Variants in IQGAP2 observed in about 807,000 individuals in gnomAD.
IQGAP2 encodes ras GTPase-activating-like protein IQGAP2.
Under a neutral mutation model 201.3 loss-of-function variants are expected in IQGAP2, and 173 were observed. That is an observed-to-expected ratio of 0.86 (90% CI 0.76 to 0.98). The LOEUF (loss-of-function observed/expected upper bound fraction) is 0.98. IQGAP2 is among the 50% of genes least tolerant of loss of function. The pLI is 0.00. For synonymous variants in IQGAP2, 675 were observed against 673.9 expected, an observed-to-expected ratio of 1.00 and a Z score of -0.03; for missense variants, 1,687 against 1,864.8, an observed-to-expected ratio of 0.90 and a Z score of 1.76.
chr5:76,540,850 G>A (rs1392706789), intron 2 of IQGAP2, among the ~76,000 whole-genome samples: 1 of 152,298 alleles, frequency 6.6e-6, no homozygotes, highest in East Asian at 1.9e-4. Flanking sequence ...TTCCCATGGA[G>A]TAAGAAGGCC....
intron 13 of IQGAP2, among the ~76,000 whole-genome samples, chr5:76,620,406 A>G (rs1749529634): frequency 6.6e-6 from 1 of 152,126 alleles, no homozygotes; most frequent in Admixed American, 6.5e-5. Flanking sequence ...AGAGGCAGGA[A>G]GCAATAATGA....
At chr5:76,537,600 T>A (rs1281316245) in intron 2 of IQGAP2, among the ~76,000 whole-genome samples, 1 of 152,202 alleles carries the variant, frequency 6.6e-6, no homozygotes, top group Non-Finnish European at 1.5e-5. Context: ...AATATTGACT[T>A]AGTTTTTCTA....
chr5:76,429,699 A>G (rs1308931711), intron 1 of IQGAP2, among the ~76,000 whole-genome samples: 3 of 150,684 alleles, frequency 2.0e-5, no homozygotes, highest in African/African-American at 7.3e-5. Context: ...GAAGGGTGTT[A>G]AAGTAAACTT....
intron 13 of IQGAP2, among the ~76,000 whole-genome samples, chr5:76,619,566 G>T (rs2069676): frequency 0.032 from 4,636 of 146,530 alleles, 151 homozygotes; most frequent in East Asian, 0.093. Context: ...GCCCAGGCTG[G>T]AGTGCAGTGG....
chr5:76,557,311 C>T (rs1240020169), intron 2 of IQGAP2, among the ~76,000 whole-genome samples: 1 of 152,088 alleles, frequency 6.6e-6, no homozygotes, highest in African/African-American at 2.4e-5. Context: ...AGAAAAACAC[C>T]GGAAAATCAT....
chr5:76,601,211 A>G (rs1324263197), intron 11 of IQGAP2, among the ~76,000 whole-genome samples: 1 of 152,250 alleles, frequency 6.6e-6, no homozygotes, highest in African/African-American at 2.4e-5. Flanking sequence ...TGTCGTTGGC[A>G]AAGATTATTT....
rs777836139 is a variant in IQGAP2, at chr5:76,701,125, G to A, written c.4417G>A (p.Ala1473Thr). Residue 1473 changes from alanine (A) to threonine (T), a missense_variant, in exon 34 of 36, where the codon GCG (alanine) becomes ACG (threonine). Physicochemically the swap from Ala to Thr is moderately conservative, Grantham distance 58 (BLOSUM62 0). Transcript: ENST00000274364. ...KLDGKGEPKG[A>T]KRAKPVKYTA... ...AGATGGAAAAGGAGAACCCAAAGGG[G>A]CGAAGAGAGCGAAGCCAGTGAAGTA... 2.5e-6 allele frequency: 4 copies of A among 1,614,096 alleles called. No individual in the cohort carries two copies. The highest frequency in any genetic ancestry group is 3.4e-6 in the Non-Finnish European group (4 of 1,179,924).
intron 2 of IQGAP2, among the ~76,000 whole-genome samples, chr5:76,543,279 C>A (rs1450295605): frequency 1.3e-5 from 2 of 152,180 alleles, no homozygotes; most frequent in Admixed American, 6.5e-5. Context: ...TAACCAGCTC[C>A]TGTTCCCTCA....
chr5:76,694,280 AT>A (rs1405206194), intron 31 of IQGAP2, among the ~76,000 whole-genome samples: 1 of 152,194 alleles, frequency 6.6e-6, no homozygotes, highest in Non-Finnish European at 1.5e-5. Context: ...ATTTTTAAAA[AT>A]TTTTAATAAA....
intron 15 of IQGAP2, among the ~76,000 whole-genome samples, chr5:76,633,865 C>T (rs1750902012): frequency 6.6e-6 from 1 of 152,068 alleles, no homozygotes; most frequent in Non-Finnish European, 1.5e-5. Flanking sequence ...TCAGTTCGTC[C>T]TTTTTTGTGG....
intron 1 of IQGAP2, among the ~76,000 whole-genome samples, chr5:76,440,342 T>C (rs372265605): frequency 3.3e-5 from 5 of 152,068 alleles, no homozygotes; most frequent in African/African-American, 1.2e-4. Flanking sequence ...CTGGCCAACA[T>C]AGTGAGATCC....
chr5:76,517,993 A>G (rs10066641), intron 2 of IQGAP2, among the ~76,000 whole-genome samples: 151 of 152,206 alleles, frequency 9.9e-4, no homozygotes, highest in South Asian at 4.2e-3. Context: ...GTCTTGCTCT[A>G]TCACCCAGGC....
chr5:76,684,227 A>G (rs1451103710), intron 30 of IQGAP2, among the ~76,000 whole-genome samples: 1 of 152,238 alleles, frequency 6.6e-6, no homozygotes, highest in East Asian at 1.9e-4. Context: ...AATATCTATT[A>G]CAGAGTGGCC....
At chr5:76,584,000 G>T (rs183786018) in intron 5 of IQGAP2, among the ~76,000 whole-genome samples, 1 of 151,966 alleles carries the variant, frequency 6.6e-6, no homozygotes, top group African/African-American at 2.4e-5. Flanking sequence ...AGCCTCCCTA[G>T]TAGCTGGGAT....
intron 1 of IQGAP2, among the ~76,000 whole-genome samples, chr5:76,454,904 C>T (rs1035181138): frequency 3.4e-4 from 51 of 152,156 alleles, no homozygotes; most frequent in Admixed American, 5.9e-4. Flanking sequence ...TTTACAGTCC[C>T]ACCAACAGTG....
At chr5:76,555,415 G>A (rs1418320362) in intron 2 of IQGAP2, among the ~76,000 whole-genome samples, 1 of 152,192 alleles carries the variant, frequency 6.6e-6, no homozygotes, top group African/African-American at 2.4e-5. Context: ...AGAGTATTAA[G>A]CGACCTGTTC....
Position 76,589,228 on chromosome 5 carries a change from C to T in IQGAP2, c.526+255C>T, listed in dbSNP as rs189906036. On this transcript the variant is annotated intron_variant, in intron 6 of 35. Coordinates refer to ENST00000274364, the MANE Select transcript of IQGAP2 (RefSeq NM_006633.5). Reference sequence around the variant, plus strand: ...TTGGGAGGCTGAGGCAGGAGAATGGCGTGAACCTGGGAGGCGGAGCTTGCA... The same window carrying T: ...TTGGGAGGCTGAGGCAGGAGAATGGTGTGAACCTGGGAGGCGGAGCTTGCA... Among the ~76,000 whole-genome samples the T allele has an allele frequency of 1.4e-3, 206 of 148,918 alleles. 1 individual carries two copies. The highest frequency in any genetic ancestry group is 3.8e-3 in the African/African-American group (152 of 40,160).
chr5:76,543,118 G>A (rs536708164), intron 2 of IQGAP2, among the ~76,000 whole-genome samples: 13 of 152,148 alleles, frequency 8.5e-5, no homozygotes, highest in South Asian at 2.1e-4. Flanking sequence ...GTGAAGCTGC[G>A]TCACAGCCAT....
intron 1 of IQGAP2, among the ~76,000 whole-genome samples, chr5:76,460,093 G>C (rs1165423267): frequency 6.6e-6 from 1 of 152,158 alleles, no homozygotes; most frequent in Non-Finnish European, 1.5e-5. Context: ...ATGATCAAAA[G>C]CTTCCTCTAA....
Sources: allele counts gnomAD v4.1 joint callset (sites outside exome capture counted in the v4.1 genomes callset), GRCh38; gene constraint gnomAD v4.1.1; transcripts MANE v1.5; gene names NCBI Gene and HGNC (gene_info 2026-07-23, HGNC 2026-07-21).